RAB3GAP2: variants seen among roughly 807,000 people sequenced by gnomAD.
RAB3GAP2 encodes RAB3 GTPase activating non-catalytic protein subunit 2, also known as rab3 GTPase-activating protein non-catalytic subunit.
A neutral mutation model predicts 185.3 loss-of-function variants in RAB3GAP2; 87 were observed. That is an observed-to-expected ratio of 0.47 (90% confidence interval 0.39 to 0.56). The LOEUF is 0.56. RAB3GAP2 is among the 20% of genes least tolerant of loss of function. The pLI is 0.00. For synonymous variants in RAB3GAP2, 554 were observed against 576.1 expected (o/e 0.96, Z 0.55); for missense variants, 1,492 against 1,638.2 (o/e 0.91, Z 1.54).
chr1:220,227,515 G>A (rs988873488), intron 2 of RAB3GAP2, among the ~76,000 whole-genome samples: 3 of 152,238 alleles, frequency 2.0e-5, no homozygotes, highest in Middle Eastern at 3.4e-3. Context: ...TGTTTTTGCC[G>A]AACTCAGTAG....
At position 220,151,360 on chromosome 1, in the gene RAB3GAP2, G is replaced by A; in HGVS notation, c.4073C>T (p.Ala1358Val). 2 of 1,614,100 alleles carry A rather than the reference G, an allele frequency of 1.2e-6. No homozygotes were observed. The highest frequency in any genetic ancestry group is 1.7e-6 in the Non-Finnish European group (2 of 1,180,008). Reference protein sequence around the residue: ...QNTEVPIATTAKLVNKVIELL... With the variant: ...QNTEVPIATTVKLVNKVIELL... ...CTCAATTACTTTATTTACTAGTTTA[G>A]CTGTTGTTGCAATTGGCACTTCAGT... Residue 1358 changes from alanine (A) to valine (V), a missense_variant, in exon 35 of 35, where the codon GCT becomes GTT. By Grantham distance (64) the Ala-to-Val change is moderately conservative. This residue lies in a region of RAB3GAP2 where 387 missense variants were observed against 455.3 expected (regional missense o/e 0.85). Coordinates refer to ENST00000358951, the MANE Select transcript of RAB3GAP2 (RefSeq NM_012414.4).
chr1:220,196,693 T>TG (rs1658731712), intron 9 of RAB3GAP2, among the ~76,000 whole-genome samples: 1 of 151,786 alleles, frequency 6.6e-6, no homozygotes, highest in African/African-American at 2.4e-5. Context: ...TAGCCATGCA[T>TG]GGTGGTGGGT....
chr1:220,272,359 G>C lies in RAB3GAP2; in HGVS notation c.-22C>G, dbSNP rs1457777929. The C allele has an allele frequency of 6.4e-7, 1 of 1,560,338 alleles. No individual in the cohort carries two copies. Among genetic ancestry groups the C allele is most frequent in the South Asian group, 1.1e-5 (1 of 87,204 alleles). On this transcript the variant is annotated 5_prime_UTR_variant, in exon 1 of 35. Transcript: ENST00000358951. Reference sequence around the variant, plus strand: ...CCATGGCTCCAGGGAACCCCACTACGGCACTCACCTTACCTCACCACGCCC... The same window carrying C: ...CCATGGCTCCAGGGAACCCCACTACCGCACTCACCTTACCTCACCACGCCC...
chr1:220,252,274 GT>G (rs1659948243), intron 1 of RAB3GAP2, among the ~76,000 whole-genome samples: 2 of 151,388 alleles, frequency 1.3e-5, no homozygotes, highest in Admixed American at 1.3e-4. Context: ...AACTACAAAG[GT>G]TGCAGATATG....
At chr1:220,268,949 TAA>T (rs1558177522) in intron 1 of RAB3GAP2, among the ~76,000 whole-genome samples, 1 of 152,206 alleles carries the variant, frequency 6.6e-6, no homozygotes, top group African/African-American at 2.4e-5. Context: ...ACTTGAATTT[TAA>T]AAATTCAGTT....
At chr1:220,207,745 C>G (rs1658995910) in intron 7 of RAB3GAP2, 1 of 152,232 alleles carries the variant, frequency 6.6e-6, no homozygotes, top group Admixed American at 6.5e-5. Context: ...GAAGAAAACA[C>G]TAATACAAAC....
intron 1 of RAB3GAP2, among the ~76,000 whole-genome samples, chr1:220,246,025 A>C (rs904468208): frequency 6.6e-6 from 1 of 152,194 alleles, no homozygotes; most frequent in Non-Finnish European, 1.5e-5. Context: ...CAACCTACCC[A>C]TCTGACAAAG....
At chr1:220,256,950 T>C (rs1364120637) in intron 1 of RAB3GAP2, among the ~76,000 whole-genome samples, 5 of 152,242 alleles carry the variant, frequency 3.3e-5, no homozygotes, top group Admixed American at 6.5e-5. Flanking sequence ...TATGCATTTT[T>C]CTCACCACCA....
intron 29 of RAB3GAP2, 129 bp downstream of exon 29, chr1:220,159,257 A>C (rs1291785745): frequency 3.8e-6 from 3 of 789,170 alleles, no homozygotes; most frequent in Admixed American, 2.3e-5. Context: ...TTCTCTTTTC[A>C]TTTTTCTTAT....
At chr1:220,243,163 G>A (rs193102480) in intron 1 of RAB3GAP2, among the ~76,000 whole-genome samples, 273 of 152,108 alleles carry the variant, frequency 1.8e-3, no homozygotes, top group African/African-American at 6.1e-3. Context: ...GACCATCCTG[G>A]CTAACATGGT....
At chr1:220,159,499 G>A (rs1181552072) in intron 28 of RAB3GAP2, 78 bp from the exon 29 acceptor site, 1 of 1,126,938 alleles carries the variant, frequency 8.9e-7, no homozygotes, top group Non-Finnish European at 1.3e-6. Flanking sequence ...ATAATAAAAA[G>A]TAACCGAATT....
chr1:220,271,003 C>T (rs1660324017), intron 1 of RAB3GAP2, among the ~76,000 whole-genome samples: 2 of 152,192 alleles, frequency 1.3e-5, no homozygotes, highest in African/African-American at 4.8e-5. Flanking sequence ...TCTGCACATG[C>T]TATTACTGCT....
intron 7 of RAB3GAP2, among the ~76,000 whole-genome samples, chr1:220,208,719 A>C (rs550622215): frequency 4.0e-5 from 6 of 150,978 alleles, no homozygotes; most frequent in African/African-American, 1.5e-4. Flanking sequence ...TCTTCAAAAC[A>C]ATTTTTTTTT....
intron 33 of RAB3GAP2, among the ~76,000 whole-genome samples, chr1:220,152,821 G>T (rs886515248): frequency 6.6e-6 from 1 of 152,132 alleles, no homozygotes; most frequent in African/African-American, 2.4e-5. Flanking sequence ...CTTCCAAAGT[G>T]CTGGGATTAC....
chr1:220,170,866 A>C, intron 24 of RAB3GAP2, 26 bp downstream of exon 24: 1 of 1,572,724 alleles, frequency 6.4e-7, no homozygotes, highest in Non-Finnish European at 8.8e-7. Context: ...AAATGGATGC[A>C]AATGCTCAAA....
chr1:220,209,214 T>G (rs1659032516), intron 7 of RAB3GAP2, among the ~76,000 whole-genome samples: 1 of 152,096 alleles, frequency 6.6e-6, no homozygotes, highest in Admixed American at 6.5e-5. Flanking sequence ...TCTTTAGGAG[T>G]TTCTCTCATT....
At chr1:220,197,432 C>T (rs1658751240) in intron 9 of RAB3GAP2, among the ~76,000 whole-genome samples, 2 of 152,176 alleles carry the variant, frequency 1.3e-5, no homozygotes, top group Admixed American at 6.5e-5. Context: ...TGAGTTCATA[C>T]GCAAGCCATT....
intron 1 of RAB3GAP2, chr1:220,267,258 T>C (rs1660244738): frequency 3.3e-6 from 3 of 906,366 alleles, no homozygotes; most frequent in Non-Finnish European, 5.6e-6. Flanking sequence ...TCTGAAGTTC[T>C]GTATTGACTG....
In RAB3GAP2 at chr1:220,211,985, A is replaced by C. The variant is rs571048905; in HGVS notation, c.386+902T>G. Among the ~76,000 whole-genome samples the C allele has an allele frequency of 3.9e-5, 6 of 152,298 alleles. No individual in the cohort carries two copies. In the East Asian group the frequency reaches 1.2e-3, roughly 29 times the overall value. ...ACTTGGTTGTCTTTTATCTGAATTC[A>C]AAGTATGAAGGATTTTCTTACTCAT... On this transcript the variant is annotated intron_variant, in intron 4 of 34. Transcript: ENST00000358951.
Sources: gnomAD v4.1 joint callset for allele counts (sites outside exome capture counted in the v4.1 genomes callset) on GRCh38, gnomAD v4.1.1 for gene constraint, gnomAD v4.1.1 regional missense constraint, MANE v1.5 for transcripts, NCBI Gene and HGNC (gene_info 2026-07-23, HGNC 2026-07-21) for gene names.